CELF2: variants seen among roughly 807,000 people sequenced by gnomAD.
CELF2 encodes the protein CUG triplet repeat RNA-binding protein 2.
Under a neutral mutation model 62.6 loss-of-function variants are expected in CELF2, and 8 were observed. The ratio of observed to expected loss-of-function variants is 0.13; its 90% confidence interval spans 0.07 to 0.23. CELF2 has a LOEUF of 0.23. Ranked by LOEUF, CELF2 falls within the 10% of genes least tolerant of loss-of-function variation. CELF2 has a pLI of 1.00. For missense variants in CELF2, 333 were observed against 671.0 expected (o/e 0.50, Z 5.56); for synonymous variants, 258 against 250.0 (o/e 1.03, Z -0.30).
At chr10:10,533,519 C>T in the CELF2 span, among the ~76,000 whole-genome samples, 1 of 152,220 alleles carries the variant, frequency 6.6e-6, no homozygotes, top group Admixed American at 6.5e-5. Context: ...GCTAAAACTA[C>T]ATCTTGTTGA....
chr10:11,208,482 G>GT (rs761555932), intron 2 of CELF2, among the ~76,000 whole-genome samples: 99 of 152,240 alleles, frequency 6.5e-4, no homozygotes, highest in African/African-American at 1.8e-3. Context: ...AGGACATGAC[G>GT]TAACGCTAAC....
rs1392008120 is a variant in CELF2, at chr10:10,928,745, C to G, written c.89+8746C>G. Among the ~76,000 whole-genome samples the G allele has an allele frequency of 6.6e-6, 1 of 152,124 alleles. No individual in the cohort carries two copies. Among genetic ancestry groups the G allele is most frequent in the Non-Finnish European group, 1.5e-5 (1 of 68,020 alleles). ...GGTTCCCAAAGACCCCAGTTTTAAC[C>G]CCTATCCTAGCATCTGTGTCATCCA... is the stretch of plus-strand genomic sequence containing the variant. On this transcript the variant is annotated intron_variant, in intron 2 of 13. Transcript: ENST00000636488. The surrounding 1 kb of genome is among the most constrained non-coding windows in gnomAD (Gnocchi z 4.8).
rs945371104 is a variant in CELF2, at chr10:11,247,690, T to G, written c.355-1463T>G. Among the ~76,000 whole-genome samples, 1 of 152,002 alleles carries G rather than the reference T, an allele frequency of 6.6e-6. No homozygotes were observed. The highest frequency in any genetic ancestry group is 1.5e-5 in the Non-Finnish European group (1 of 67,978). On this transcript the variant is annotated intron_variant, in intron 3 of 12. Coordinates refer to ENST00000633077, the MANE Select transcript of CELF2 (RefSeq NM_001326342.2). The surrounding 1 kb of genome is among the most constrained non-coding windows in gnomAD (Gnocchi z 5.4). ...TGTTCCCAGTTTTTGGCCTAGAGAC[T>G]GACATAGGGTACCTGTTTGCTCCAT...
chr10:10,816,823 CTT>C (rs2056502077), intron 1 of CELF2, among the ~76,000 whole-genome samples: 1 of 152,214 alleles, frequency 6.6e-6, no homozygotes, highest in Non-Finnish European at 1.5e-5. Flanking sequence ...AGCAGATACT[CTT>C]TTAAAAAGAC....
chr10:10,864,758 A>C (rs570850344), intron 1 of CELF2, among the ~76,000 whole-genome samples: 1 of 152,306 alleles, frequency 6.6e-6, no homozygotes, highest in Non-Finnish European at 1.5e-5. Context: ...CAAGATATGA[A>C]TCTTAGAGAG....
rs541799417 is a variant in CELF2, at chr10:11,314,119, C to T, written c.977-20C>T. ...CACCTCGTGTCTTCTCTCCCCTTGT[C>T]TCTGTTTTCCTTTTTTCAGTGGCTG... On this transcript the variant is annotated intron_variant, in intron 9 of 12. Transcript: ENST00000633077. The surrounding 1 kb of genome is among the most constrained non-coding windows in gnomAD (Gnocchi z 5.3). 6.8e-7 allele frequency: 1 copy of T among 1,466,540 alleles called. No homozygotes were observed. Among genetic ancestry groups the T allele is most frequent in the Admixed American group, 2.2e-5 (1 of 45,186 alleles). 90.8% of individuals were successfully genotyped at this position (1,466,540 alleles called of 1,614,324 possible). A position where few individuals can be genotyped will look rare whatever the true frequency, so the allele number is the denominator to read the frequency against.
chr10:10,535,398 A>G, the CELF2 span, among the ~76,000 whole-genome samples: 2 of 152,190 alleles, frequency 1.3e-5, no homozygotes, highest in African/African-American at 4.8e-5. Context: ...CACTTGGGTG[A>G]GCAGGAACCG....
the CELF2 span, among the ~76,000 whole-genome samples, chr10:10,546,780 TTTTTTTTC>T: frequency 6.6e-6 from 1 of 152,118 alleles, no homozygotes; most frequent in African/African-American, 2.4e-5. Context: ...ATAGACCTTT[TTTTTTTTC>T]TTTTTTTCCT....
intron 1 of CELF2, among the ~76,000 whole-genome samples, chr10:11,113,766 G>C (rs1348454222): frequency 6.6e-6 from 1 of 152,102 alleles, no homozygotes; most frequent in Non-Finnish European, 1.5e-5. Context: ...GCATGAGCTG[G>C]GGTCCTGCCT....
At chr10:10,738,409 G>A in the CELF2 span, among the ~76,000 whole-genome samples, 2,568 of 152,198 alleles carry the variant, frequency 0.017, 78 homozygotes, top group African/African-American at 0.058. Flanking sequence ...ACTTGACAGC[G>A]GAGAAGCCTG....
At chr10:10,634,344 A>C in the CELF2 span, among the ~76,000 whole-genome samples, 17 of 151,978 alleles carry the variant, frequency 1.1e-4, no homozygotes, top group Non-Finnish European at 1.5e-5. Context: ...CTCTTCTATC[A>C]CACCTTTATA....
At chr10:10,676,573 G>A in the CELF2 span, among the ~76,000 whole-genome samples, 2 of 152,180 alleles carry the variant, frequency 1.3e-5, no homozygotes, top group African/African-American at 4.8e-5. Flanking sequence ...AAAGTGTGAT[G>A]GGGTTCCCCT....
intron 2 of CELF2, among the ~76,000 whole-genome samples, chr10:11,197,024 GAAAA>G (rs1565230692): frequency 0.032 from 152 of 4,748 alleles, 29 homozygotes; most frequent in African/African-American, 0.057. Flanking sequence ...AAGAAAGAAA[GAAAA>G]GAAAGAAAGA....
At chr10:11,197,032 A>AGAAGGAAGGAAGGAAGGAAG (rs2057927213) in intron 2 of CELF2, among the ~76,000 whole-genome samples, 1 of 15,606 alleles carries the variant, frequency 6.4e-5, no homozygotes, top group Non-Finnish European at 1.9e-4. Flanking sequence ...AAGAAAAGAA[A>AGAAGGAAGGAAGGAAGGAAG]GAAAGAAAGA....
rs71378775 is a variant in CELF2, at chr10:11,025,239, G to GTATATATATATA, written c.74+7081_74+7082insATATATATATAT. Among the ~76,000 whole-genome samples the GTATATATATATA allele has an allele frequency of 6.0e-3, 846 of 140,954 alleles. 9 individuals are homozygous for GTATATATATATA. The highest frequency in any genetic ancestry group is 0.011 in the African/African-American group (418 of 39,134). 92.5% of individuals were successfully genotyped at this position (140,954 alleles called of 152,430 possible). A position where few individuals can be genotyped will look rare whatever the true frequency, so the allele number is the denominator to read the frequency against. ...TGTGTGTGTGTGTGTGTGTGTGTGT[G>GTATATATATATA]TATATGTATGTGACTGTATATCTGG... On this transcript the variant is annotated intron_variant, in intron 1 of 12. Transcript: ENST00000633077.
chr10:10,907,303 A>G (rs1196509507), intron 1 of CELF2, among the ~76,000 whole-genome samples: 2 of 152,220 alleles, frequency 1.3e-5, no homozygotes, highest in Non-Finnish European at 1.5e-5. Context: ...TAAATGGCAG[A>G]TTTGACAGTT....
At chr10:10,932,298 T>C (rs951977448) in intron 2 of CELF2, among the ~76,000 whole-genome samples, 4 of 152,046 alleles carry the variant, frequency 2.6e-5, no homozygotes, top group Non-Finnish European at 4.4e-5. Context: ...GGTACAGAGA[T>C]TCACTGGACA....
chr10:10,906,596 C>A (rs1313625391), intron 1 of CELF2, among the ~76,000 whole-genome samples: 2 of 152,162 alleles, frequency 1.3e-5, no homozygotes, highest in Non-Finnish European at 1.5e-5. Flanking sequence ...CTGTCACAAT[C>A]CAGGGGGTTC....
chr10:10,701,550 C>A, the CELF2 span, among the ~76,000 whole-genome samples: 1 of 152,168 alleles, frequency 6.6e-6, no homozygotes. Context: ...TCCAAATACC[C>A]GGGGCTCCAG....
Sources: gnomAD v4.1 joint callset for allele counts (sites outside exome capture counted in the v4.1 genomes callset) on GRCh38, gnomAD v4.1.1 for gene constraint, Gnocchi (gnomAD v3.1) non-coding constraint, MANE v1.5 for transcripts, NCBI Gene and HGNC (gene_info 2026-07-23, HGNC 2026-07-21) for gene names.